The following PGBD5 variants were observed in gnomAD, a reference collection of about 807,000 sequenced individuals.
PGBD5 encodes the protein piggyBac transposable element-derived protein 5.
Under a neutral mutation model 47.9 loss-of-function variants are expected in PGBD5, and 14 were observed. The observed-to-expected ratio is 0.29, with a 90% confidence interval of 0.19 to 0.46. The LOEUF (loss-of-function observed/expected upper bound fraction) is 0.46, where lower values mean the gene tolerates loss of function less well. Among genes scored for constraint, PGBD5 ranks in the 20% least tolerant of loss-of-function variants. PGBD5 has a pLI of 1.00. For missense variants in PGBD5, 635 were observed against 716.0 expected, an observed-to-expected ratio of 0.89 and a Z score of 1.29; for synonymous variants, 316 against 306.3, an observed-to-expected ratio of 1.03 and a Z score of -0.33.
chr1:230,422,182 C>G (rs1657664261), intron 1 of PGBD5, among the ~76,000 whole-genome samples: 2 of 151,878 alleles, frequency 1.3e-5, no homozygotes, highest in African/African-American at 4.8e-5. Flanking sequence ...AAAGAGTGAA[C>G]AGCTCAGATC....
intron 1 of PGBD5, among the ~76,000 whole-genome samples, chr1:230,364,051 C>T (rs577440520): frequency 5.3e-5 from 8 of 152,358 alleles, no homozygotes; most frequent in African/African-American, 1.7e-4. Context: ...GGGTCCAAGT[C>T]TCAACTGTAG....
At chr1:230,422,218 C>T (rs1571868312) in intron 1 of PGBD5, among the ~76,000 whole-genome samples, 1 of 152,134 alleles carries the variant, frequency 6.6e-6, no homozygotes. Flanking sequence ...AAAGGACTGA[C>T]AAACCAAACA....
Position 230,322,362 on chromosome 1 carries a change from C to CTGAACAGGCCTGT in PGBD5, c.*1062_*1063insACAGGCCTGTTCA, listed in dbSNP as rs1667046058. On this transcript the variant is annotated 3_prime_UTR_variant, in exon 7 of 7. Coordinates refer to ENST00000391860, the MANE Select transcript of PGBD5 (RefSeq NM_001258311.2). This position sits in a 1 kb window ranked among gnomAD's most constrained non-coding sequence, Gnocchi z 5.9. The stretch of plus-strand genomic sequence containing the variant: ...CCAGCCCTGTTGTTCTGAGGGGCCA[C>CTGAACAGGCCTGT]TCTGAGCAGGCAAACACTGCCAGGG... 1 of 152,318 alleles carries CTGAACAGGCCTGT rather than the reference C, an allele frequency of 6.6e-6. No individual in the cohort carries two copies. The highest frequency in any genetic ancestry group is 1.5e-5 in the Non-Finnish European group (1 of 68,102). The allele number at this position is 152,318 out of a possible 1,614,324, so 9.4% of individuals were successfully genotyped here. A position where few individuals can be genotyped will look rare whatever the true frequency, so the allele number is the denominator to read the frequency against.
rs138760634 is a variant in PGBD5, at chr1:230,392,244, G to A, written c.331+33354C>T. Among the ~76,000 whole-genome samples the A allele has an allele frequency of 2.1e-3, 324 of 152,290 alleles. 3 individuals are homozygous for A. Among genetic ancestry groups the A allele is most frequent in the African/African-American group, 7.4e-3 (306 of 41,574 alleles). On this transcript the variant is annotated intron_variant, in intron 1 of 6. Transcript: ENST00000391860. The stretch of plus-strand genomic sequence containing the variant: ...CCCTGAGAGGCATGGGGAAAGTCAC[G>A]GGTCCTTTGGGGATAAGCACTGACC...
chr1:230,385,096 CAT>C (rs1187574268), intron 1 of PGBD5, among the ~76,000 whole-genome samples: 1 of 152,140 alleles, frequency 6.6e-6, no homozygotes, highest in African/African-American at 2.4e-5. Context: ...TTTTCCCCCT[CAT>C]ATGATATATT....
At chr1:230,407,087 G>A (rs2102746604) in intron 1 of PGBD5, among the ~76,000 whole-genome samples, 1 of 152,268 alleles carries the variant, frequency 6.6e-6, no homozygotes, top group South Asian at 2.1e-4. Flanking sequence ...CGCCTGCCTT[G>A]GCCTCCCAAA....
intron 1 of PGBD5, among the ~76,000 whole-genome samples, chr1:230,415,015 T>C (rs554490258): frequency 6.6e-6 from 1 of 152,288 alleles, no homozygotes; most frequent in South Asian, 2.1e-4. Flanking sequence ...CATGCAATCC[T>C]AGCACTTTGG....
chr1:230,353,636 G>T (rs1667592267), intron 2 of PGBD5, among the ~76,000 whole-genome samples: 1 of 152,158 alleles, frequency 6.6e-6, no homozygotes, highest in Non-Finnish European at 1.5e-5. Context: ...TAAGGGACGG[G>T]TGCAGAGTGA....
At chr1:230,371,457 A>G (rs1355623109) in intron 1 of PGBD5, among the ~76,000 whole-genome samples, 1 of 152,190 alleles carries the variant, frequency 6.6e-6, no homozygotes, top group African/African-American at 2.4e-5. Context: ...AGAAACACCT[A>G]TTCTTGGAAG....
Position 230,400,012 on chromosome 1 carries a change from T to C in PGBD5, c.331+25586A>G, listed in dbSNP as rs893870065. Among the ~76,000 whole-genome samples the C allele has an allele frequency of 2.6e-5, 4 of 152,198 alleles. No individual in the cohort carries two copies. The South Asian group carries it at 8.3e-4, about 32-fold the overall frequency. On this transcript the variant is annotated intron_variant, in intron 1 of 6. Coordinates refer to ENST00000391860, the MANE Select transcript of PGBD5 (RefSeq NM_001258311.2). Reference sequence around the variant, plus strand: ...TTAAAACTTACACAGGGCTATGTTATCCCTTTGCTAAAAATCCACCAAAGA... The same window carrying C: ...TTAAAACTTACACAGGGCTATGTTACCCCTTTGCTAAAAATCCACCAAAGA...
In PGBD5 at chr1:230,357,528, C is replaced by T. The variant is rs947895015; in HGVS notation, c.332-207G>A. Among the ~76,000 whole-genome samples the T allele has an allele frequency of 1.1e-4, 17 of 152,214 alleles. No homozygotes were observed. Among genetic ancestry groups the T allele is most frequent in the Non-Finnish European group, 2.4e-4 (16 of 68,030 alleles). ...ATAGCTTTTGTACGCCCCTTTGCTC[C>T]AAAACAGCCAGCTCTCCTGCTGTGT... On this transcript the variant is annotated intron_variant, in intron 1 of 6. Coordinates refer to ENST00000391860, the MANE Select transcript of PGBD5 (RefSeq NM_001258311.2). The surrounding 1 kb of genome is among the most constrained non-coding windows in gnomAD (Gnocchi z 5.7).
intron 1 of PGBD5, among the ~76,000 whole-genome samples, chr1:230,377,849 T>A (rs532903270): frequency 1.3e-5 from 2 of 152,252 alleles, no homozygotes; most frequent in African/African-American, 4.8e-5. Flanking sequence ...ATTTTGGGCA[T>A]GTGCCTCCCA....
chr1:230,422,734 G>A (rs1657679784), intron 1 of PGBD5, among the ~76,000 whole-genome samples: 1 of 152,142 alleles, frequency 6.6e-6, no homozygotes, highest in Admixed American at 6.5e-5. Flanking sequence ...TAAATACGCT[G>A]AAAAACAGAA....
chr1:230,419,767 A>G (rs1657606568), intron 1 of PGBD5, among the ~76,000 whole-genome samples: 1 of 152,138 alleles, frequency 6.6e-6, no homozygotes, highest in African/African-American at 2.4e-5. Context: ...AAAATACGCA[A>G]AATCCTTACC....
At chr1:230,324,964 G>C (rs913292858) in intron 6 of PGBD5, among the ~76,000 whole-genome samples, 3 of 152,224 alleles carry the variant, frequency 2.0e-5, no homozygotes, top group Admixed American at 6.5e-5. Context: ...CAGCAATTCA[G>C]AATAGAGGAC....
intron 1 of PGBD5, chr1:230,367,956 G>C (rs1160142692): frequency 7.3e-7 from 1 of 1,365,980 alleles, no homozygotes; most frequent in Non-Finnish European, 9.8e-7. Flanking sequence ...GGCACACCAA[G>C]GAGCTCAAGG....
intron 5 of PGBD5, among the ~76,000 whole-genome samples, chr1:230,328,996 G>A (rs1203110730): frequency 1.3e-5 from 2 of 151,688 alleles, no homozygotes; most frequent in African/African-American, 4.8e-5. Flanking sequence ...GCAGTGTCAC[G>A]ATCTTGGCTC....
rs890172296 is a variant in PGBD5 at position 230,350,946 on chromosome 1, C to G, written c.894+12G>C. 6.2e-7 allele frequency: 1 copy of G among 1,613,196 alleles called. No homozygotes were observed. Among genetic ancestry groups the G allele is most frequent in the Non-Finnish European group, 8.5e-7 (1 of 1,179,668 alleles). ...CTTCACCGACCCTCCCCGGGCTCAG[C>G]CCAGGGCTCACCTGGATGATGAAGC... On this transcript the variant is annotated intron_variant, in intron 3 of 6. Coordinates refer to ENST00000391860, the MANE Select transcript of PGBD5 (RefSeq NM_001258311.2).
chr1:230,406,426 C>CA (rs201748035), intron 1 of PGBD5, among the ~76,000 whole-genome samples: 2 of 149,812 alleles, frequency 1.3e-5, no homozygotes, highest in Middle Eastern at 3.5e-3. Context: ...ATTTTATAGG[C>CA]AAAAAAATAT....
Sources: allele counts gnomAD v4.1 joint callset (sites outside exome capture counted in the v4.1 genomes callset), GRCh38; gene constraint gnomAD v4.1.1; non-coding constraint Gnocchi (gnomAD v3.1); transcripts MANE v1.5; gene names NCBI Gene and HGNC (gene_info 2026-07-23, HGNC 2026-07-21).